The following RPH3A variants were observed in gnomAD, a reference collection of about 807,000 sequenced individuals.
The protein encoded by RPH3A is rabphilin-3A.
RPH3A carries 48 observed loss-of-function variants against 102.2 expected under a neutral mutation model. The ratio of observed to expected loss-of-function variants is 0.47; its 90% CI spans 0.37 to 0.60. The LOEUF (loss-of-function observed/expected upper bound fraction) is 0.60, where lower values mean the gene tolerates loss of function less well. Ranked by LOEUF, RPH3A falls within the 20% of genes least tolerant of loss-of-function variation. The probability of loss-of-function intolerance (pLI) is 0.00; values close to 1 mark genes in which losing one functional copy is unlikely to be tolerated. For missense variants in RPH3A, 781 were observed against 910.1 expected (o/e 0.86, Z 1.83); for synonymous variants, 310 against 324.3 (o/e 0.96, Z 0.47).
At chr12:112,874,943 G>T in intron 10 of RPH3A, 141 bp from the exon 11 acceptor site, 1 of 623,966 alleles carries the variant, frequency 1.6e-6, no homozygotes, top group Non-Finnish European at 2.8e-6. Flanking sequence ...AGAAGAGTCA[G>T]AAAGAGCTGA....
intron 1 of RPH3A, among the ~76,000 whole-genome samples, chr12:112,719,853 T>C (rs2040539633): frequency 6.6e-6 from 1 of 152,246 alleles, no homozygotes; most frequent in Non-Finnish European, 1.5e-5. Context: ...GCTGCAGAAC[T>C]TTGTATATGC....
At chr12:112,757,241 C>T (rs189310652) in intron 1 of RPH3A, among the ~76,000 whole-genome samples, 1 of 152,270 alleles carries the variant, frequency 6.6e-6, no homozygotes, top group Non-Finnish European at 1.5e-5. Context: ...CTTTTCATCG[C>T]GTTCTTTGAT....
intron 2 of RPH3A, among the ~76,000 whole-genome samples, chr12:112,817,577 C>G (rs190345668): frequency 2.0e-5 from 3 of 152,094 alleles, no homozygotes; most frequent in South Asian, 4.2e-4. Flanking sequence ...CCCCACCCCC[C>G]GCACACGCAG....
chr12:112,831,647 C>G (rs567042128), intron 3 of RPH3A: 2 of 294,046 alleles, frequency 6.8e-6, no homozygotes, highest in East Asian at 2.2e-4. Flanking sequence ...CACTTTACTT[C>G]TTCCTGAAGT....
At chr12:112,818,337 G>T (rs1447377050) in intron 2 of RPH3A, among the ~76,000 whole-genome samples, 3 of 151,286 alleles carry the variant, frequency 2.0e-5, no homozygotes, top group South Asian at 2.1e-4. Flanking sequence ...AAAAAGAAGG[G>T]TGGAGAGGGG....
At chr12:112,755,320 CACACACACACACACACACAT>C (rs2040816367) in intron 1 of RPH3A, among the ~76,000 whole-genome samples, 1 of 151,132 alleles carries the variant, frequency 6.6e-6, no homozygotes, top group African/African-American at 2.5e-5. Flanking sequence ...CACACACACA[CACACACACACACACACACAT>C]ACATATGCAT....
intron 1 of RPH3A, among the ~76,000 whole-genome samples, chr12:112,599,587 AAATG>A: frequency 6.6e-6 from 1 of 152,358 alleles, no homozygotes; most frequent in Non-Finnish European, 1.5e-5. Context: ...GGCCCCGAAT[AAATG>A]GGTTAGTTAT....
At position 112,828,213 on chromosome 12, in the gene RPH3A, A is replaced by T. The variant is rs778340098; in HGVS notation, c.-18-88A>T. ...TTTAGTTCTCTGTCTTCTCTATCCC[A>T]CTGGGTGTGTGGCATAAAGCAGGGA... On this transcript the variant is annotated intron_variant, in intron 2 of 21. Coordinates refer to ENST00000389385, the MANE Select transcript of RPH3A (RefSeq NM_001143854.2). 363 of 871,406 alleles carry T rather than the reference A, an allele frequency of 4.2e-4. 1 individual carries two copies. The highest frequency in any genetic ancestry group is 5.6e-4 in the Non-Finnish European group (293 of 521,900). 54.0% of individuals were successfully genotyped at this position (871,406 alleles called of 1,614,324 possible). A position where few individuals can be genotyped will look rare whatever the true frequency, so the allele number is the denominator to read the frequency against.
At chr12:112,767,736 A>C (rs184443065) in intron 1 of RPH3A, among the ~76,000 whole-genome samples, 4 of 152,304 alleles carry the variant, frequency 2.6e-5, no homozygotes, top group Admixed American at 2.6e-4. Flanking sequence ...TCATCCTCAC[A>C]GGACTTTGGT....
chr12:112,655,196 T>C (rs1297440104), intron 1 of RPH3A, among the ~76,000 whole-genome samples: 1 of 152,264 alleles, frequency 6.6e-6, no homozygotes, highest in African/African-American at 2.4e-5. Context: ...GGCCTCCTTA[T>C]GGATGAAAGT....
chr12:112,791,867 G>GGAGAGAGGGAGAGAGAGAGAGAGAGAGA lies in RPH3A; in HGVS notation c.-278_-277insGGAGAGAGAGAGAGAGAGAGAGAGAGAG, dbSNP rs2041112898. On this transcript the variant is annotated 5_prime_UTR_variant, in exon 1 of 22. Transcript: ENST00000389385. ...CGCGGACTGGAAAGGAAGGGAGAAGGGAGAGAGAGAGAGAGAGAGAGAGAG... is the reference window on the plus strand; with the variant it reads ...CGCGGACTGGAAAGGAAGGGAGAAGGGAGAGAGGGAGAGAGAGAGAGAGAGAGAGAGAGAGAGAGAGAGAGAGAGAGAG... The GGAGAGAGGGAGAGAGAGAGAGAGAGAGA allele has an allele frequency of 2.1e-5, 1 of 48,484 alleles. No homozygotes were observed. The highest frequency in any genetic ancestry group is 3.7e-5 in the Non-Finnish European group (1 of 27,248). The allele number at this position is 48,484 out of a possible 1,614,324, so 3.0% of individuals were successfully genotyped here.
At chr12:112,661,260 A>C (rs73417165) in intron 1 of RPH3A, among the ~76,000 whole-genome samples, 3,380 of 152,192 alleles carry the variant, frequency 0.022, 129 homozygotes, top group African/African-American at 0.076. Context: ...CAGTTTCCTC[A>C]AGTGCAAAAT....
rs946522506 is a variant in RPH3A, at chr12:112,896,634, C to G, written c.1955-16C>G. ...TATTCTGACCACCTGCTCCTATCTT[C>G]CCATTTATCCTCCAGGAGGCTGCCA... is the stretch of plus-strand genomic sequence containing the variant. On this transcript the variant is annotated splice_polypyrimidine_tract_variant and intron_variant, in intron 21 of 21. Coordinates refer to ENST00000389385, the MANE Select transcript of RPH3A (RefSeq NM_001143854.2). The G allele has an allele frequency of 1.2e-6, 2 of 1,613,830 alleles. No homozygotes were observed. The highest frequency in any genetic ancestry group is 2.7e-5 in the African/African-American group (2 of 74,918).
Position 112,791,904 on chromosome 12 carries a change from G to GAGAGAGAGAGAGAGAGAGAGAGAT in RPH3A, c.-247_-246insGAGAGAGAGAGAGAGAGAGAGATA, listed in dbSNP as rs1565882517. 1 of 151,120 alleles carries GAGAGAGAGAGAGAGAGAGAGAGAT rather than the reference G, an allele frequency of 6.6e-6. No homozygotes were observed. Among genetic ancestry groups the GAGAGAGAGAGAGAGAGAGAGAGAT allele is most frequent in the Non-Finnish European group, 1.5e-5 (1 of 67,766 alleles). The allele number at this position is 151,120 out of a possible 1,614,324, so 9.4% of individuals were successfully genotyped here. ...AGAGAGAGAGAGAGAGAGAGAGAGA[G>GAGAGAGAGAGAGAGAGAGAGAGAT]ACTCACAGAGCTAAAACCTTCATCC... On this transcript the variant is annotated 5_prime_UTR_variant, in exon 1 of 22. Coordinates refer to ENST00000389385, the MANE Select transcript of RPH3A (RefSeq NM_001143854.2).
chr12:112,585,284 T>C (rs892862178), intron 1 of RPH3A, among the ~76,000 whole-genome samples: 1 of 152,158 alleles, frequency 6.6e-6, no homozygotes, highest in Admixed American at 6.5e-5. Context: ...GGCAACACCC[T>C]CACAGACACA....
intron 11 of RPH3A, 87 bp from the exon 12 acceptor site, chr12:112,875,592 C>A: frequency 1.7e-6 from 2 of 1,195,068 alleles, no homozygotes; most frequent in Non-Finnish European, 1.2e-6. Context: ...CCTGTGTCCA[C>A]ACCTGTGAAA....
intron 1 of RPH3A, among the ~76,000 whole-genome samples, chr12:112,637,209 C>T (rs1040848745): frequency 5.3e-5 from 8 of 152,126 alleles, no homozygotes; most frequent in Admixed American, 3.9e-4. Context: ...CATATTTCTC[C>T]TTTCTGATAC....
intron 1 of RPH3A, among the ~76,000 whole-genome samples, chr12:112,694,303 T>C (rs1405969810): frequency 1.3e-5 from 2 of 152,186 alleles, no homozygotes; most frequent in Non-Finnish European, 2.9e-5. Context: ...GCCCAGCTGC[T>C]CCACCTCTTA....
chr12:112,855,144 C>A (rs954104685), intron 5 of RPH3A, among the ~76,000 whole-genome samples: 1 of 152,194 alleles, frequency 6.6e-6, no homozygotes. Context: ...AGCCTCTGGG[C>A]AGCTGGACCT....
Sources: gnomAD v4.1 joint callset for allele counts (sites outside exome capture counted in the v4.1 genomes callset) on GRCh38, gnomAD v4.1.1 for gene constraint, MANE v1.5 for transcripts, NCBI Gene and HGNC (gene_info 2026-07-23, HGNC 2026-07-21) for gene names.